COL21A1: variants seen among roughly 807,000 people sequenced by gnomAD.
COL21A1 encodes collagen type XXI alpha 1 chain.
Under a neutral mutation model 137.9 loss-of-function variants are expected in COL21A1, and 149 were observed. That is an observed-to-expected ratio of 1.08 (90% CI 0.95 to 1.24). The LOEUF is 1.24. COL21A1 is among the 50% of genes most tolerant of loss of function. COL21A1 has a pLI of 0.00. For missense variants in COL21A1, 1,167 were observed against 1,158.4 expected, an observed-to-expected ratio of 1.01 and a Z score of -0.11; for synonymous variants, 456 against 391.5, an observed-to-expected ratio of 1.16 and a Z score of -1.95.
intron 1 of COL21A1, among the ~76,000 whole-genome samples, chr6:56,329,695 G>A (rs1171874400): frequency 6.6e-6 from 1 of 152,064 alleles, no homozygotes; most frequent in Non-Finnish European, 1.5e-5. Flanking sequence ...CACGAACTTG[G>A]AAGGCATCAA....
chr6:56,260,659 T>TGAAGGAAG (rs1227878397), intron 1 of COL21A1, among the ~76,000 whole-genome samples: 8 of 75,634 alleles, frequency 1.1e-4, no homozygotes, highest in African/African-American at 3.0e-4. Context: ...AAGGAAGGAA[T>TGAAGGAAG]GAAGGAAGGA....
rs141891084 is a variant in COL21A1, at chr6:56,371,374, A to C, written c.-39+22597T>G. Among the ~76,000 whole-genome samples, 1,030 of 152,330 alleles carry C rather than the reference A, an allele frequency of 6.8e-3. 1 individual carries two copies. Among genetic ancestry groups the C allele is most frequent in the Non-Finnish European group, 0.012 (806 of 68,030 alleles). On this transcript the variant is annotated intron_variant, in intron 1 of 28. Transcript: ENST00000370819. Reference sequence around the variant, plus strand: ...GCTCATCTAAATGACAAGGAATCACAGCCCAATCTGCTGCATTCTGATGAC... The same window carrying C: ...GCTCATCTAAATGACAAGGAATCACCGCCCAATCTGCTGCATTCTGATGAC...
intron 10 of COL21A1, among the ~76,000 whole-genome samples, chr6:56,153,640 C>A (rs1775497295): frequency 6.6e-6 from 1 of 152,074 alleles, no homozygotes; most frequent in Admixed American, 6.5e-5. Flanking sequence ...GTTTGTACTA[C>A]CCTCCCTGAA....
chr6:56,277,671 G>C (rs1169530004), intron 1 of COL21A1, among the ~76,000 whole-genome samples: 1 of 152,092 alleles, frequency 6.6e-6, no homozygotes, highest in Non-Finnish European at 1.5e-5. Flanking sequence ...TTAACTCCTT[G>C]ATCTTAGAAA....
chr6:56,112,513 C>G (rs143409802), intron 16 of COL21A1, among the ~76,000 whole-genome samples: 1 of 151,998 alleles, frequency 6.6e-6, no homozygotes, highest in Non-Finnish European at 1.5e-5. Context: ...ACCCCTCCCC[C>G]TTCCCCAGCA....
At position 56,077,550 on chromosome 6, in the gene COL21A1, G is replaced by A. The variant is rs776185539; in HGVS notation, c.1836C>T (p.Asn612=). 5.7e-6 allele frequency: 9 copies of A among 1,577,790 alleles called. No homozygotes were observed. Among genetic ancestry groups the A allele is most frequent in the Non-Finnish European group, 7.8e-6 (9 of 1,161,270 alleles). The part of the protein sequence containing the change: ...GEPGIPGFPG[N]RGLMGQKGEI... ...TTACCTTTTGGCCCATTAATCCTCG[G>A]TTTCCAGGAAATCCTGGGATTCCCT... is the stretch of plus-strand genomic sequence containing the variant. The change falls in exon 18 of 30, where the codon AAC becomes AAT. Residue 612 remains asparagine (N), a synonymous_variant. Coordinates refer to ENST00000244728, the MANE Select transcript of COL21A1 (RefSeq NM_030820.4).
chr6:56,175,613 A>G (rs1777406519), intron 3 of COL21A1, among the ~76,000 whole-genome samples: 1 of 152,128 alleles, frequency 6.6e-6, no homozygotes, highest in African/African-American at 2.4e-5. Context: ...AAACTACAAA[A>G]CATTGATAAA....
chr6:56,357,487 C>T (rs886342180), intron 1 of COL21A1, among the ~76,000 whole-genome samples: 12 of 152,160 alleles, frequency 7.9e-5, no homozygotes, highest in Admixed American at 3.3e-4. Context: ...TGTGAAAGTA[C>T]GCATAAAATG....
At chr6:56,114,237 G>T (rs896711506) in intron 16 of COL21A1, among the ~76,000 whole-genome samples, 6 of 152,172 alleles carry the variant, frequency 3.9e-5, no homozygotes, top group African/African-American at 9.7e-5. Context: ...GCCAGAGAGT[G>T]GTCAGAGCAG....
At chr6:56,368,789 G>A (rs1766159040) in intron 1 of COL21A1, among the ~76,000 whole-genome samples, 2 of 152,158 alleles carry the variant, frequency 1.3e-5, no homozygotes, top group Admixed American at 6.5e-5. Context: ...ATTCTCAGTG[G>A]TGCTGAGGAA....
chr6:56,144,734 T>A (rs774150615), intron 10 of COL21A1, among the ~76,000 whole-genome samples: 1 of 152,196 alleles, frequency 6.6e-6, no homozygotes, highest in Admixed American at 6.5e-5. Flanking sequence ...TACCTCTGAC[T>A]CATAATGTGA....
chr6:56,174,674 AC>A (rs1212258677), intron 3 of COL21A1, among the ~76,000 whole-genome samples: 1 of 151,936 alleles, frequency 6.6e-6, no homozygotes, highest in Non-Finnish European at 1.5e-5. Context: ...TAATCAAAAC[AC>A]CCCAACAATA....
At chr6:56,166,354 G>C (rs755168051) in intron 7 of COL21A1, among the ~76,000 whole-genome samples, 1 of 151,960 alleles carries the variant, frequency 6.6e-6, no homozygotes, top group Non-Finnish European at 1.5e-5. Context: ...CATAGACGAC[G>C]GGGAAAAACA....
chr6:56,060,340 T>C, intron 27 of COL21A1, 122 bp from the exon 28 acceptor site: 1 of 797,302 alleles, frequency 1.3e-6, no homozygotes, highest in East Asian at 2.9e-5. Context: ...GCATATTTCT[T>C]GGCCAATAAT....
chr6:56,171,132 T>C lies in COL21A1; in HGVS notation c.641-4A>G. ...ATTCGTGTTGGACAGACAGATTCTATAAAGCAAAAGCAATAAAAGTTGGTT... is the reference window on the plus strand; with the variant it reads ...ATTCGTGTTGGACAGACAGATTCTACAAAGCAAAAGCAATAAAAGTTGGTT... On this transcript the variant is annotated splice_polypyrimidine_tract_variant and splice_region_variant and intron_variant, in intron 3 of 29. Transcript: ENST00000244728. 1 of 1,576,840 alleles carries C rather than the reference T, an allele frequency of 6.3e-7. No homozygotes were observed.
Position 56,242,444 on chromosome 6 carries a change from C to A in COL21A1, c.-39+4943G>T, listed in dbSNP as rs115732520. On this transcript the variant is annotated intron_variant, in intron 1 of 29. Coordinates refer to ENST00000244728, the MANE Select transcript of COL21A1 (RefSeq NM_030820.4). ...TTCTTGGTCCTTAGTCTTTTCTTCT[C>A]GACACCAATGAGTACATAAACAAAC... 6.2e-3 allele frequency among the ~76,000 whole-genome samples: 940 copies of A among 152,156 alleles called. 11 individuals carry two copies. Among genetic ancestry groups the A allele is most frequent in the African/African-American group, 0.021 (873 of 41,532 alleles).
chr6:56,199,705 A>G (rs1452507940), intron 1 of COL21A1, among the ~76,000 whole-genome samples: 1 of 152,180 alleles, frequency 6.6e-6, no homozygotes, highest in African/African-American at 2.4e-5. Flanking sequence ...ATTGGGTCAT[A>G]TGGTTTGCCT....
chr6:56,156,847 T>A (rs1775779195), intron 10 of COL21A1, 40 bp downstream of exon 10: 3 of 1,526,722 alleles, frequency 2.0e-6, no homozygotes, highest in Non-Finnish European at 1.8e-6. Context: ...GACACTGTAA[T>A]CCCAGATATA....
chr6:56,189,218 T>C (rs933426314), intron 1 of COL21A1, among the ~76,000 whole-genome samples: 2 of 151,544 alleles, frequency 1.3e-5, no homozygotes, highest in East Asian at 3.9e-4. Context: ...CTAAGAACCT[T>C]GAAAAAAGGT....
Sources: gnomAD v4.1 joint callset for allele counts (sites outside exome capture counted in the v4.1 genomes callset) on GRCh38, gnomAD v4.1.1 for gene constraint, MANE v1.5 for transcripts, NCBI Gene and HGNC (gene_info 2026-07-23, HGNC 2026-07-21) for gene names.